Variants in PRKDC observed in about 807,000 individuals in gnomAD.
The protein encoded by PRKDC is DNA-dependent protein kinase catalytic subunit.
Under a neutral mutation model 486.9 loss-of-function variants are expected in PRKDC, and 82 were observed. The ratio of observed to expected loss-of-function variants is 0.17; its 90% CI spans 0.14 to 0.20. The LOEUF (loss-of-function observed/expected upper bound fraction) is 0.20. PRKDC is among the 10% of genes least tolerant of loss of function. The probability of loss-of-function intolerance (pLI) is 1.00; values close to 1 mark genes in which losing one functional copy is unlikely to be tolerated. For missense variants in PRKDC, 4,504 were observed against 5,038.2 expected (o/e 0.89, Z 3.21); for synonymous variants, 1,895 against 1,837.0 (o/e 1.03, Z -0.81).
At chr8:47,882,666 C>A (rs2089246364) in intron 36 of PRKDC, among the ~76,000 whole-genome samples, 1 of 152,196 alleles carries the variant, frequency 6.6e-6, no homozygotes, top group African/African-American at 2.4e-5. Context: ...CATACATGCA[C>A]ACCCACATTT....
At chr8:47,853,311 C>T (rs574994722) in intron 51 of PRKDC, among the ~76,000 whole-genome samples, 6 of 152,326 alleles carry the variant, frequency 3.9e-5, no homozygotes, top group Non-Finnish European at 8.8e-5. Flanking sequence ...CTGAGGCTGC[C>T]GCGAAGCTGG....
Position 47,850,620 on chromosome 8 carries a change from C to G in PRKDC, c.7006-1117G>C, listed in dbSNP as rs535296487. On this transcript the variant is annotated intron_variant, in intron 52 of 85. Transcript: ENST00000314191. ...CCATATAGAATACACATAGTATTAC[C>G]CTACCAATTAATCAGATGTCTTTTT... Among the ~76,000 whole-genome samples, 142 of 152,200 alleles carry G rather than the reference C, an allele frequency of 9.3e-4. 1 individual carries two copies. The highest frequency in any genetic ancestry group is 3.3e-3 in the African/African-American group (135 of 41,522).
intron 4 of PRKDC, 74 bp downstream of exon 4, chr8:47,955,800 C>G: frequency 8.0e-7 from 1 of 1,243,528 alleles, no homozygotes; most frequent in Non-Finnish European, 1.1e-6. Context: ...ACCCAAAACA[C>G]AACTCAAAAC....
chr8:47,848,240 G>A (rs967419896), intron 54 of PRKDC, among the ~76,000 whole-genome samples: 2 of 152,116 alleles, frequency 1.3e-5, no homozygotes, highest in Non-Finnish European at 2.9e-5. Flanking sequence ...ATCAACCCAG[G>A]TGCCCATCAA....
intron 20 of PRKDC, 139 bp from the exon 21 acceptor site, chr8:47,927,492 A>G: frequency 9.4e-7 from 1 of 1,064,360 alleles, no homozygotes; most frequent in East Asian, 2.6e-5. Context: ...AGTTCAGTCC[A>G]GGTAATTAGG....
At position 47,914,032 on chromosome 8, in the gene PRKDC, C is replaced by T; in HGVS notation, c.2650G>A (p.Val884Met). 6.4e-7 allele frequency: 1 copy of T among 1,572,820 alleles called. No homozygotes were observed. ...AGCCGCTTCTCTCTGTCCCAGGCCACATAGCTCTTCATCATCTCATCTGAG... is the reference window on the plus strand; with the variant it reads ...AGCCGCTTCTCTCTGTCCCAGGCCATATAGCTCTTCATCATCTCATCTGAG... The part of the protein sequence containing the change: ...TSSDEMMKSY[V>M]AWDREKRLSF... Residue 884 changes from valine (V) to methionine (M), a missense_variant, in exon 24 of 86, where the codon GTG (valine) becomes ATG (methionine). By Grantham distance (21) the Val-to-Met change is conservative (BLOSUM62 1). Around this residue, in one of 6 missense-constraint regions of PRKDC, gnomAD observed 1,969 missense variants for 2,068.9 expected, o/e 0.95. Coordinates refer to ENST00000314191, the MANE Select transcript of PRKDC (RefSeq NM_006904.7).
At chr8:47,819,119 C>A (rs2087523741) in intron 67 of PRKDC, among the ~76,000 whole-genome samples, 1 of 152,198 alleles carries the variant, frequency 6.6e-6, no homozygotes, top group Non-Finnish European at 1.5e-5. Context: ...CCCCACCATC[C>A]TTGTGGGCAG....
chr8:47,863,275 G>T (rs1467568798), intron 42 of PRKDC, 124 bp downstream of exon 42: 3 of 807,090 alleles, frequency 3.7e-6, no homozygotes, highest in Non-Finnish European at 5.5e-6. Context: ...TGGTTTATAA[G>T]AAGAAAACTA....
intron 40 of PRKDC, among the ~76,000 whole-genome samples, chr8:47,873,737 T>A (rs970468062): frequency 1.3e-5 from 2 of 152,198 alleles, no homozygotes; most frequent in African/African-American, 2.4e-5. Context: ...CAGTATCTTA[T>A]GTGAAATAAG....
intron 19 of PRKDC, 95 bp from the exon 20 acceptor site, chr8:47,927,985 T>C (rs1382146379): frequency 1.7e-6 from 2 of 1,176,774 alleles, no homozygotes; most frequent in Admixed American, 4.0e-5. Flanking sequence ...ATACAAAAAT[T>C]GGCACGTAGC....
chr8:47,897,350 A>G (rs1264550557), intron 29 of PRKDC, 56 bp from the exon 30 acceptor site: 8 of 1,469,032 alleles, frequency 5.4e-6, no homozygotes, highest in Non-Finnish European at 6.4e-6. Flanking sequence ...ACATTCAGCT[A>G]CCAAGGCTCT....
intron 54 of PRKDC, among the ~76,000 whole-genome samples, chr8:47,844,921 AAAT>A (rs2088233890): frequency 2.0e-5 from 3 of 152,220 alleles, no homozygotes; most frequent in Admixed American, 2.0e-4. Context: ...TAAACTAGAA[AAAT>A]AAGAACAAAC....
intron 52 of PRKDC, among the ~76,000 whole-genome samples, chr8:47,850,249 T>C (rs543453373): frequency 6.6e-6 from 1 of 152,160 alleles, no homozygotes; most frequent in Non-Finnish European, 1.5e-5. Context: ...GAAAGAGGGG[T>C]AGGCAACGTT....
At chr8:47,832,972 G>T (rs2087923023) in intron 59 of PRKDC, among the ~76,000 whole-genome samples, 1 of 152,228 alleles carries the variant, frequency 6.6e-6, no homozygotes, top group South Asian at 2.1e-4. Context: ...CCGCAGCCCT[G>T]CAAAGCAGGG....
At chr8:47,824,243 C>A (rs970885154) in intron 63 of PRKDC, among the ~76,000 whole-genome samples, 1 of 151,980 alleles carries the variant, frequency 6.6e-6, no homozygotes, top group African/African-American at 2.4e-5. Flanking sequence ...CTGGGACGGG[C>A]GTGGCGGCTC....
intron 68 of PRKDC, among the ~76,000 whole-genome samples, chr8:47,817,024 G>C (rs1339746043): frequency 6.6e-6 from 1 of 152,184 alleles, no homozygotes; most frequent in Non-Finnish European, 1.5e-5. Flanking sequence ...TGAGACCTGG[G>C]AAAGTGACAC....
At chr8:47,925,360 G>A (rs895197939) in intron 21 of PRKDC, among the ~76,000 whole-genome samples, 1 of 152,370 alleles carries the variant, frequency 6.6e-6, no homozygotes, top group South Asian at 2.1e-4. Context: ...AACTCATCAA[G>A]AGGAAACATC....
chr8:47,953,126 G>A (rs2090652470), intron 7 of PRKDC, among the ~76,000 whole-genome samples: 1 of 151,976 alleles, frequency 6.6e-6, no homozygotes, highest in Non-Finnish European at 1.5e-5. Context: ...GGGCTACGGA[G>A]CGAGACTCTG....
chr8:47,849,328 A>G, intron 53 of PRKDC, 25 bp from the exon 54 acceptor site: 2 of 1,613,918 alleles, frequency 1.2e-6, no homozygotes, highest in South Asian at 2.2e-5. Context: ...AACTGGTGAG[A>G]GGAGGGCCGA....
Sources: allele counts gnomAD v4.1 joint callset (sites outside exome capture counted in the v4.1 genomes callset), GRCh38; gene constraint gnomAD v4.1.1; regional missense constraint gnomAD v4.1.1; transcripts MANE v1.5; gene names NCBI Gene and HGNC (gene_info 2026-07-23, HGNC 2026-07-21).